The following SGCD variants were observed in gnomAD, a reference collection of about 807,000 sequenced individuals.
SGCD encodes the protein delta-sarcoglycan.
In SGCD, 18 loss-of-function variants were observed where a neutral mutation model predicts 36.6. The observed-to-expected ratio is 0.49, with a 90% CI of 0.34 to 0.73. The LOEUF (loss-of-function observed/expected upper bound fraction) is 0.73. Among genes scored for constraint, SGCD ranks in the 30% least tolerant of loss-of-function variants. SGCD has a pLI of 0.01. For missense variants in SGCD, 387 were observed against 346.7 expected (o/e 1.12, Z -0.92); for synonymous variants, 133 against 130.6 (o/e 1.02, Z -0.12).
chr5:156,671,540 C>A (rs1310275590), intron 7 of SGCD, among the ~76,000 whole-genome samples: 1 of 152,138 alleles, frequency 6.6e-6, no homozygotes, highest in East Asian at 1.9e-4. Flanking sequence ...TCCCAAAGTG[C>A]TGGGATTACA....
intron 3 of SGCD, among the ~76,000 whole-genome samples, chr5:156,409,631 C>T (rs1404513641): frequency 2.6e-5 from 4 of 152,110 alleles, no homozygotes; most frequent in Non-Finnish European, 5.9e-5. Flanking sequence ...AATTGTGTGG[C>T]CTTTGACAAA....
chr5:155,802,052 C>T, the SGCD span, among the ~76,000 whole-genome samples: 1 of 152,162 alleles, frequency 6.6e-6, no homozygotes. Context: ...CCAGCTATAG[C>T]TGATAGGATC....
At chr5:156,614,604 C>G (rs76863534) in intron 6 of SGCD, among the ~76,000 whole-genome samples, 2,675 of 152,322 alleles carry the variant, frequency 0.018, 32 homozygotes, top group Non-Finnish European at 0.029. Flanking sequence ...TTGACTCCCC[C>G]ACAGTTTAGT....
At chr5:156,321,789 G>A (rs1767678145), upstream of SGCD, among the ~76,000 whole-genome samples, 1 of 152,228 alleles carries the variant, frequency 6.6e-6, no homozygotes, top group Non-Finnish European at 1.5e-5. Flanking sequence ...TGTGGGTGAA[G>A]CCTAGAGAAG....
At position 156,079,032 on chromosome 5, in the gene SGCD, A is replaced by AAAAAG. The variant is rs1554117667; in HGVS notation, c.-281-38842_-281-38841insGAAAA. Among the ~76,000 whole-genome samples the AAAAAG allele has an allele frequency of 5.6e-4, 85 of 151,088 alleles. 1 individual carries two copies. Among genetic ancestry groups the AAAAAG allele is most frequent in the African/African-American group, 2.0e-3 (82 of 40,706 alleles). ...TGGGTAATTTGTAAAAAAAAAAAAA[A>AAAAAG]AAAAAGAAAAGTTTAATTGGCTCAC... On this transcript the variant is annotated intron_variant, in intron 1 of 9. Coordinates refer to the SGCD transcript ENST00000517913.
rs141028081 is a variant in SGCD at position 156,246,139 on chromosome 5, C to T, written c.-43-83395C>T. 3.4e-3 allele frequency among the ~76,000 whole-genome samples: 520 copies of T among 152,270 alleles called. 1 individual carries two copies. Among genetic ancestry groups the T allele is most frequent in the Middle Eastern group, 0.01 (3 of 294 alleles). Reference sequence around the variant, plus strand: ...TATTGTCTGTAAGAGTGAGGATTATCAGCTCCTTGCTGTTACATAGATGGT... The same window carrying T: ...TATTGTCTGTAAGAGTGAGGATTATTAGCTCCTTGCTGTTACATAGATGGT... On this transcript the variant is annotated intron_variant, in intron 3 of 9. Transcript: ENST00000517913.
At chr5:156,734,728 C>T (rs1005193041) in intron 7 of SGCD, among the ~76,000 whole-genome samples, 9 of 152,174 alleles carry the variant, frequency 5.9e-5, no homozygotes, top group African/African-American at 2.2e-4. Flanking sequence ...TTGCATTCCT[C>T]TCTATACTGG....
intron 2 of SGCD, among the ~76,000 whole-genome samples, chr5:156,121,600 C>A (rs951739246): frequency 6.6e-6 from 1 of 151,828 alleles, no homozygotes; most frequent in Non-Finnish European, 1.5e-5. Flanking sequence ...TTTATGTTAC[C>A]GCAATGAGGG....
At chr5:155,835,002 A>ATTTT in the SGCD span, among the ~76,000 whole-genome samples, 2,382 of 60,130 alleles carry the variant, frequency 0.04, 342 homozygotes, top group African/African-American at 0.054. Context: ...TGCCCAGCTA[A>ATTTT]TTTTTTTTTT....
At chr5:156,227,478 G>A (rs1268989279) in intron 3 of SGCD, among the ~76,000 whole-genome samples, 1 of 152,084 alleles carries the variant, frequency 6.6e-6, no homozygotes, top group Non-Finnish European at 1.5e-5. Flanking sequence ...TTTTATACCA[G>A]TACCATGCTG....
chr5:156,746,784 C>A (rs1756954264), intron 7 of SGCD, among the ~76,000 whole-genome samples: 1 of 152,106 alleles, frequency 6.6e-6, no homozygotes, highest in Non-Finnish European at 1.5e-5. Flanking sequence ...GGAAGAATAT[C>A]TTTGTGACCT....
chr5:156,391,074 G>A (rs1771534680), intron 3 of SGCD, among the ~76,000 whole-genome samples: 1 of 152,154 alleles, frequency 6.6e-6, no homozygotes, highest in African/African-American at 2.4e-5. Flanking sequence ...GAAACTTCCA[G>A]TCCCGCAAGC....
intron 4 of SGCD, among the ~76,000 whole-genome samples, chr5:156,540,240 G>C (rs984537489): frequency 2.6e-5 from 4 of 152,090 alleles, no homozygotes; most frequent in Non-Finnish European, 5.9e-5. Context: ...TGTATGTAAA[G>C]CACTTTCTAT....
chr5:156,395,968 C>T (rs1262386863), intron 3 of SGCD, among the ~76,000 whole-genome samples: 1 of 152,188 alleles, frequency 6.6e-6, no homozygotes, highest in Non-Finnish European at 1.5e-5. Context: ...ACTGCCAACA[C>T]AATGATACTA....
At chr5:156,656,129 G>A (rs1763665084) in intron 7 of SGCD, among the ~76,000 whole-genome samples, 1 of 152,092 alleles carries the variant, frequency 6.6e-6, no homozygotes, top group African/African-American at 2.4e-5. Flanking sequence ...GAAATATCAA[G>A]TCAAAATGTC....
intron 2 of SGCD, among the ~76,000 whole-genome samples, chr5:156,332,604 G>A (rs1037691583): frequency 6.6e-6 from 1 of 152,208 alleles, no homozygotes; most frequent in South Asian, 2.1e-4. Context: ...AGAAGTTAGG[G>A]CATAATTAAG....
At chr5:156,644,662 A>T (rs1763161610) in intron 6 of SGCD, among the ~76,000 whole-genome samples, 1 of 152,056 alleles carries the variant, frequency 6.6e-6, no homozygotes, top group Non-Finnish European at 1.5e-5. Context: ...CTTAGATAAG[A>T]TTGTACACCT....
At chr5:156,349,398 GA>G (rs147107831) in intron 3 of SGCD, among the ~76,000 whole-genome samples, 31 of 148,282 alleles carry the variant, frequency 2.1e-4, no homozygotes, top group African/African-American at 5.4e-4. Flanking sequence ...CTCTAAACAA[GA>G]AAAAAAAACA....
intron 6 of SGCD, among the ~76,000 whole-genome samples, chr5:156,628,908 C>T (rs1342300745): frequency 1.3e-5 from 2 of 152,162 alleles, no homozygotes; most frequent in Non-Finnish European, 2.9e-5. Flanking sequence ...AACCTCACTG[C>T]ACCTTATGAG....
Sources: allele counts gnomAD v4.1 joint callset (sites outside exome capture counted in the v4.1 genomes callset), GRCh38; gene constraint gnomAD v4.1.1; transcripts MANE v1.5; gene names NCBI Gene and HGNC (gene_info 2026-07-23, HGNC 2026-07-21).